Variants in CCDC149 observed in about 807,000 individuals in gnomAD.
The protein encoded by CCDC149 is coiled-coil domain containing 149.
A neutral mutation model predicts 59.9 loss-of-function variants in CCDC149; 45 were observed. The observed-to-expected ratio is 0.75, with a 90% CI of 0.59 to 0.96. CCDC149 has a LOEUF of 0.96. CCDC149 is among the 40% of genes least tolerant of loss of function. CCDC149 has a pLI of 0.00. For synonymous variants in CCDC149, 245 were observed against 260.6 expected (o/e 0.94, Z 0.58); for missense variants, 584 against 664.7 (o/e 0.88, Z 1.33).
chr4:24,881,402 G>A (rs979827217), intron 1 of CCDC149, among the ~76,000 whole-genome samples: 1 of 152,170 alleles, frequency 6.6e-6, no homozygotes, highest in Non-Finnish European at 1.5e-5. Context: ...GAGAATTGCT[G>A]GGCTTTCTCC....
intron 1 of CCDC149, among the ~76,000 whole-genome samples, chr4:24,912,055 TC>T (rs752415264): frequency 3.3e-5 from 5 of 152,008 alleles, no homozygotes; most frequent in Non-Finnish European, 7.4e-5. Context: ...AAATCCGCAT[TC>T]CCTCTCACCT....
chr4:24,958,998 A>G (rs1723555492), intron 1 of CCDC149, among the ~76,000 whole-genome samples: 1 of 152,068 alleles, frequency 6.6e-6, no homozygotes, highest in Non-Finnish European at 1.5e-5. Flanking sequence ...ACGCAGGCAG[A>G]GCCACAGCTC....
At chr4:24,842,132 T>C (rs1309920545) in intron 4 of CCDC149, among the ~76,000 whole-genome samples, 3 of 152,246 alleles carry the variant, frequency 2.0e-5, no homozygotes. Flanking sequence ...TACAAGTTTC[T>C]GCCTCTTACA....
chr4:24,936,350 T>C, intron 1 of CCDC149, among the ~76,000 whole-genome samples: 1 of 152,102 alleles, frequency 6.6e-6, no homozygotes, highest in Non-Finnish European at 1.5e-5. Flanking sequence ...CATTATATTA[T>C]ATATATATCA....
At chr4:24,979,246 G>A (rs1439706679) in intron 1 of CCDC149, among the ~76,000 whole-genome samples, 3 of 152,212 alleles carry the variant, frequency 2.0e-5, no homozygotes, top group Non-Finnish European at 4.4e-5. Flanking sequence ...ATCTTGGGGT[G>A]TTAACTTTCT....
At chr4:24,952,558 T>G (rs1217634368) in intron 1 of CCDC149, among the ~76,000 whole-genome samples, 4 of 118,092 alleles carry the variant, frequency 3.4e-5, no homozygotes, top group African/African-American at 1.3e-4. Context: ...ATCACACTAC[T>G]GCACTCCAGC....
chr4:24,873,008 C>G (rs1007824215), intron 3 of CCDC149, among the ~76,000 whole-genome samples: 18 of 151,700 alleles, frequency 1.2e-4, no homozygotes, highest in Admixed American at 3.9e-4. Flanking sequence ...CAGTATGCAC[C>G]CACCAAGTGG....
chr4:24,885,591 A>G (rs1002843619), intron 1 of CCDC149, among the ~76,000 whole-genome samples: 5 of 152,210 alleles, frequency 3.3e-5, no homozygotes, highest in Non-Finnish European at 7.3e-5. Flanking sequence ...AGTGGGTCAC[A>G]TGGCTGCCCA....
intron 12 of CCDC149, among the ~76,000 whole-genome samples, chr4:24,814,292 T>G (rs1313642290): frequency 6.6e-6 from 1 of 152,234 alleles, no homozygotes; most frequent in East Asian, 1.9e-4. Flanking sequence ...GCTCTTCAGA[T>G]CTGTTCAGCC....
intron 3 of CCDC149, among the ~76,000 whole-genome samples, chr4:24,860,665 G>C (rs1718318655): frequency 6.6e-6 from 1 of 152,180 alleles, no homozygotes; most frequent in South Asian, 2.1e-4. Flanking sequence ...ACAACCCACA[G>C]AGTGGGAGAA....
At chr4:24,905,471 T>C (rs1165165783) in intron 1 of CCDC149, among the ~76,000 whole-genome samples, 1 of 151,466 alleles carries the variant, frequency 6.6e-6, no homozygotes, top group African/African-American at 2.4e-5. Flanking sequence ...GTTTTGCTTT[T>C]GTTGCCCAGG....
At chr4:24,847,741 C>G (rs963580016) in intron 4 of CCDC149, among the ~76,000 whole-genome samples, 1 of 152,204 alleles carries the variant, frequency 6.6e-6, no homozygotes, top group East Asian at 1.9e-4. Flanking sequence ...GAACATAAAC[C>G]TGGGTCTGAC....
intron 3 of CCDC149, among the ~76,000 whole-genome samples, chr4:24,859,253 A>G (rs1204750565): frequency 2.0e-5 from 3 of 152,214 alleles, no homozygotes; most frequent in African/African-American, 4.8e-5. Context: ...GCCCAACCGT[A>G]CACTAATATA....
At chr4:24,912,673 G>A (rs976486474) in intron 1 of CCDC149, 144 bp downstream of exon 1, 1 of 385,680 alleles carries the variant, frequency 2.6e-6, no homozygotes, top group Admixed American at 5.4e-5. Flanking sequence ...CACCTGGCGG[G>A]GTCGCGCGGG....
chr4:24,950,465 C>T (rs958845362), intron 1 of CCDC149, among the ~76,000 whole-genome samples: 1 of 152,182 alleles, frequency 6.6e-6, no homozygotes, highest in African/African-American at 2.4e-5. Context: ...TCAGTATGGA[C>T]CCCAAATCGA....
At chr4:24,916,909 A>G (rs544567324), upstream of CCDC149, among the ~76,000 whole-genome samples, 1 of 152,004 alleles carries the variant, frequency 6.6e-6, no homozygotes, top group Admixed American at 6.5e-5. Flanking sequence ...CCTGGCTGCT[A>G]AACTACTTCA....
chr4:24,825,133 G>A (rs1715641490), intron 9 of CCDC149, among the ~76,000 whole-genome samples: 1 of 152,160 alleles, frequency 6.6e-6, no homozygotes, highest in Non-Finnish European at 1.5e-5. Flanking sequence ...CAGTTCCTGA[G>A]ATCCAGCTCT....
chr4:24,808,762 G>A lies in CCDC149; in HGVS notation c.1250C>T (p.Ala417Val), dbSNP rs200984075. ...AGCGGGCCTCCCAGCATCCTCAGGC[G>A]CTGTCAACGCCTCAGCAGCGGCACA... Residue 417 changes from alanine to valine, a missense_variant, in exon 13 of 13, where the codon GCG (alanine) becomes GTG (valine). Physicochemically the swap from Ala to Val is moderately conservative, Grantham distance 64. Coordinates refer to ENST00000635206, the MANE Select transcript of CCDC149 (RefSeq NM_001330643.2). The A allele has an allele frequency of 3.2e-4, 500 of 1,551,896 alleles. No individual in the cohort carries two copies. The highest frequency in any genetic ancestry group is 5.0e-4 in the Middle Eastern group (3 of 5,994).
chr4:24,889,684 T>C (rs1720415082), intron 1 of CCDC149, among the ~76,000 whole-genome samples: 1 of 152,216 alleles, frequency 6.6e-6, no homozygotes, highest in Non-Finnish European at 1.5e-5. Flanking sequence ...GTTACTTCAT[T>C]ATAGAATAAT....
Sources: allele counts gnomAD v4.1 joint callset (sites outside exome capture counted in the v4.1 genomes callset), GRCh38; gene constraint gnomAD v4.1.1; transcripts MANE v1.5; gene names NCBI Gene and HGNC (gene_info 2026-07-23, HGNC 2026-07-21).